Variants in COL25A1 observed in about 807,000 individuals in gnomAD.
COL25A1 encodes the protein collagen type XXV alpha 1 chain.
In COL25A1, 103 loss-of-function variants were observed where a neutral mutation model predicts 128.4. That is an observed-to-expected ratio of 0.80 (90% CI 0.68 to 0.94). The LOEUF (loss-of-function observed/expected upper bound fraction) is 0.94, where lower values mean the gene tolerates loss of function less well. Among genes scored for constraint, COL25A1 ranks in the 40% least tolerant of loss-of-function variants. The probability of loss-of-function intolerance (pLI) is 0.00; values close to 1 mark genes in which losing one functional copy is unlikely to be tolerated. For missense variants in COL25A1, 745 were observed against 840.0 expected (o/e 0.89, Z 1.40); for synonymous variants, 279 against 277.2 (o/e 1.01, Z -0.06).
chr4:108,832,444 GAT>G lies in COL25A1; in HGVS notation c.1657-13_1657-12del. The G allele has an allele frequency of 1.3e-6, 2 of 1,556,106 alleles. No homozygotes were observed. Among genetic ancestry groups the G allele is most frequent in the Non-Finnish European group, 1.8e-6 (2 of 1,136,068 alleles). ...AGGACCATCTGTACCCTAAAAAAAA[GAT>G]AATATGAGATATATCACAAGGGCTG... On this transcript the variant is annotated splice_polypyrimidine_tract_variant and intron_variant, in intron 31 of 37. Coordinates refer to ENST00000399132, the MANE Select transcript of COL25A1 (RefSeq NM_198721.4).
At chr4:109,014,418 T>A (rs185515404) in intron 5 of COL25A1, among the ~76,000 whole-genome samples, 5 of 111,802 alleles carry the variant, frequency 4.5e-5, no homozygotes, top group Admixed American at 2.9e-4. Flanking sequence ...CAGGAAGAAC[T>A]TCTTCAAATG....
rs770411951 is a variant in COL25A1 at position 108,852,278 on chromosome 4, A to G, written c.1347T>C (p.Gly449=). ...LQRITTLTVT[G]PPGPPGPQGL... Reference sequence around the variant, plus strand: ...CTTGAGGTCCAGGAGGTCCAGGGGGACCCTAAATCAAGAAAAAGCACAGTT... The same window carrying G: ...CTTGAGGTCCAGGAGGTCCAGGGGGGCCCTAAATCAAGAAAAAGCACAGTT... The change falls in exon 26 of 38, where the codon GGT becomes GGC. Residue 449 remains glycine (G), a splice_region_variant and synonymous_variant. Transcript: ENST00000399132. 1 of 1,586,690 alleles carries G rather than the reference A, an allele frequency of 6.3e-7. No homozygotes were observed. Among genetic ancestry groups the G allele is most frequent in the South Asian group, 1.2e-5 (1 of 86,058 alleles).
At chr4:108,984,738 C>T (rs1016892662) in intron 6 of COL25A1, among the ~76,000 whole-genome samples, 2 of 152,216 alleles carry the variant, frequency 1.3e-5, no homozygotes, top group African/African-American at 4.8e-5. Context: ...CCTCTCCCTC[C>T]ACACCTCCCC....
In COL25A1 at chr4:108,869,165, G is replaced by A. The variant is rs1456553661; in HGVS notation, c.1021-15C>T. On this transcript the variant is annotated splice_polypyrimidine_tract_variant and intron_variant, in intron 19 of 37. Transcript: ENST00000399132. ...CCTGGTTCTCCCTTTAAAAACATGG[G>A]CATATGAGATCATTAATCATTTGAC... 1 of 1,341,278 alleles carries A rather than the reference G, an allele frequency of 7.5e-7. No homozygotes were observed. Among genetic ancestry groups the A allele is most frequent in the South Asian group, 1.4e-5 (1 of 72,238 alleles). 83.1% of individuals were successfully genotyped at this position (1,341,278 alleles called of 1,614,324 possible). A position where few individuals can be genotyped will look rare whatever the true frequency, so the allele number is the denominator to read the frequency against.
At chr4:109,027,632 A>G (rs1201789748) in intron 5 of COL25A1, among the ~76,000 whole-genome samples, 1 of 152,146 alleles carries the variant, frequency 6.6e-6, no homozygotes, top group Non-Finnish European at 1.5e-5. Flanking sequence ...AGGCTTTTGT[A>G]GCATTCTAAG....
intron 3 of COL25A1, among the ~76,000 whole-genome samples, chr4:109,072,898 C>CT (rs1348611554): frequency 6.6e-6 from 1 of 152,196 alleles, no homozygotes; most frequent in Non-Finnish European, 1.5e-5. Context: ...CACCCCATTC[C>CT]AACCTCCAAC....
intron 16 of COL25A1, among the ~76,000 whole-genome samples, chr4:108,893,661 A>G (rs1193521786): frequency 2.0e-5 from 3 of 152,226 alleles, no homozygotes; most frequent in Non-Finnish European, 4.4e-5. Flanking sequence ...AAGTCAATCA[A>G]TGACGTAATT....
In COL25A1 at chr4:109,012,496, G is replaced by A. The variant is rs951104452; in HGVS notation, c.421-2121C>T. 2.6e-5 allele frequency among the ~76,000 whole-genome samples: 4 copies of A among 152,312 alleles called. No homozygotes were observed. The South Asian group carries it at 6.2e-4, about 24-fold the overall frequency. On this transcript the variant is annotated intron_variant, in intron 5 of 37. Coordinates refer to ENST00000399132, the MANE Select transcript of COL25A1 (RefSeq NM_198721.4). ...GAGGGAGAGGCGCGGGCAGGAACTT[G>A]GGCTGCGTGCAGCGCTCGTGGGCCA...
intron 3 of COL25A1, among the ~76,000 whole-genome samples, chr4:109,135,036 A>G (rs1339388771): frequency 2.0e-5 from 3 of 151,548 alleles, no homozygotes; most frequent in Admixed American, 6.6e-5. Context: ...AAAAAAAAAA[A>G]AAAAAAAAAA....
At chr4:109,286,458 T>C (rs1457891398) in intron 3 of COL25A1, among the ~76,000 whole-genome samples, 1 of 152,164 alleles carries the variant, frequency 6.6e-6, no homozygotes, top group Non-Finnish European at 1.5e-5. Flanking sequence ...AAGATGATCA[T>C]ATATCCTGAC....
At chr4:108,941,901 GGAAAAA>G (rs1748150471) in intron 8 of COL25A1, among the ~76,000 whole-genome samples, 1 of 152,144 alleles carries the variant, frequency 6.6e-6, no homozygotes, top group Non-Finnish European at 1.5e-5. Flanking sequence ...TTAATTGACT[GGAAAAA>G]TATTACAGAG....
At chr4:108,932,255 G>A (rs540323861) in intron 11 of COL25A1, among the ~76,000 whole-genome samples, 1 of 151,960 alleles carries the variant, frequency 6.6e-6, no homozygotes, top group African/African-American at 2.4e-5. Flanking sequence ...TCACATACTG[G>A]GTATTTCAAT....
intron 5 of COL25A1, among the ~76,000 whole-genome samples, chr4:109,030,754 TTTG>T (rs150720966): frequency 0.078 from 11,769 of 151,774 alleles, 625 homozygotes; most frequent in African/African-American, 0.15. Context: ...AAAACTTCAT[TTTG>T]TTGTTGTTGT....
chr4:109,017,847 C>A (rs1757358376), intron 5 of COL25A1, among the ~76,000 whole-genome samples: 1 of 152,094 alleles, frequency 6.6e-6, no homozygotes, highest in Non-Finnish European at 1.5e-5. Context: ...AAAGAAATTG[C>A]CTCAATAACT....
intron 31 of COL25A1, chr4:108,832,709 A>G: frequency 3.7e-6 from 1 of 267,748 alleles, no homozygotes; most frequent in Non-Finnish European, 7.0e-6. Context: ...TAAATAAAGC[A>G]TCACTGGCTG....
intron 27 of COL25A1, among the ~76,000 whole-genome samples, chr4:108,847,979 T>C (rs137919764): frequency 6.7e-4 from 102 of 152,162 alleles, no homozygotes; most frequent in African/African-American, 2.4e-3. Flanking sequence ...GATCTTGAAA[T>C]TAACCCTTTT....
intron 8 of COL25A1, among the ~76,000 whole-genome samples, chr4:108,974,164 T>C (rs1355098099): frequency 1.3e-5 from 2 of 152,222 alleles, no homozygotes; most frequent in Admixed American, 6.5e-5. Context: ...ATTTTCTATT[T>C]ATAGGCATCA....
chr4:109,076,639 T>A (rs1379818369), intron 3 of COL25A1, among the ~76,000 whole-genome samples: 2 of 151,934 alleles, frequency 1.3e-5, no homozygotes, highest in African/African-American at 2.4e-5. Flanking sequence ...AACATTACAT[T>A]TATTGTGCAC....
chr4:108,839,167 C>T (rs770420177), intron 31 of COL25A1, among the ~76,000 whole-genome samples: 15 of 152,014 alleles, frequency 9.9e-5, no homozygotes, highest in Admixed American at 2.6e-4. Context: ...GTCAGTGTAG[C>T]GCTTGTTAAA....
Sources: allele counts gnomAD v4.1 joint callset (sites outside exome capture counted in the v4.1 genomes callset), GRCh38; gene constraint gnomAD v4.1.1; transcripts MANE v1.5; gene names NCBI Gene and HGNC (gene_info 2026-07-23, HGNC 2026-07-21).